Variants in BABAM2 observed in about 807,000 individuals in gnomAD.
BABAM2 encodes the protein BRISC and BRCA1-A complex member 2.
Under a neutral mutation model 54.7 loss-of-function variants are expected in BABAM2, and 31 were observed. The observed-to-expected ratio is 0.57, with a 90% CI of 0.43 to 0.77. The LOEUF (loss-of-function observed/expected upper bound fraction) is 0.77, where lower values mean the gene tolerates loss of function less well. Among genes scored for constraint, BABAM2 ranks in the 30% least tolerant of loss-of-function variants. BABAM2 has a pLI of 0.00. For missense variants in BABAM2, 364 were observed against 455.8 expected (o/e 0.80, Z 1.83); for synonymous variants, 167 against 162.9 (o/e 1.03, Z -0.19).
chr2:27,929,685 A>G (rs1667956122), intron 2 of BABAM2, 147 bp from the exon 3 acceptor site: 4 of 654,082 alleles, frequency 6.1e-6, no homozygotes, highest in South Asian at 4.2e-5. Context: ...TTCCATGACT[A>G]TTAAAGGCTT....
chr2:27,907,851 G>A (rs1666296018), intron 2 of BABAM2, among the ~76,000 whole-genome samples: 1 of 152,146 alleles, frequency 6.6e-6, no homozygotes, highest in Non-Finnish European at 1.5e-5. Flanking sequence ...TGTAGTGTCA[G>A]AATTTACTTT....
chr2:28,301,714 C>G (rs1688118966), intron 11 of BABAM2, among the ~76,000 whole-genome samples: 1 of 152,174 alleles, frequency 6.6e-6, no homozygotes, highest in African/African-American at 2.4e-5. Context: ...TTGCCAGCAG[C>G]TCTCTCCCCT....
At chr2:28,097,625 T>C (rs1433339227) in intron 6 of BABAM2, among the ~76,000 whole-genome samples, 3 of 152,204 alleles carry the variant, frequency 2.0e-5, no homozygotes, top group Non-Finnish European at 2.9e-5. Flanking sequence ...TATTTTGTAT[T>C]ATATTTGCTA....
At chr2:27,935,778 A>G (rs1465902419) in intron 3 of BABAM2, among the ~76,000 whole-genome samples, 2 of 152,232 alleles carry the variant, frequency 1.3e-5, no homozygotes, top group African/African-American at 4.8e-5. Flanking sequence ...CCCTTCAGCA[A>G]CTACCACTGT....
intron 8 of BABAM2, 31 bp from the exon 9 acceptor site, chr2:28,241,290 ACT>A: frequency 1.3e-6 from 2 of 1,591,954 alleles, no homozygotes; most frequent in South Asian, 2.2e-5. Context: ...AAAGATTCCC[ACT>A]CTACTTCTCA....
In BABAM2 at chr2:28,298,326, C is replaced by T. The variant is rs777583047; in HGVS notation, c.935-12C>T. ...TGCTCTAACTTTCTTTTTCTTTCTT[C>T]TGTCTTTGCAGTTGACCTGCCTCTG... On this transcript the variant is annotated splice_polypyrimidine_tract_variant and intron_variant, in intron 10 of 11. Coordinates refer to ENST00000379624, the MANE Select transcript of BABAM2 (RefSeq NM_199191.3). 3.1e-6 allele frequency: 5 copies of T among 1,606,312 alleles called. No individual in the cohort carries two copies. The African/African-American group carries it at 4.0e-5, about 13-fold the overall frequency.
At chr2:28,210,073 G>T (rs1679302927) in intron 7 of BABAM2, among the ~76,000 whole-genome samples, 1 of 152,066 alleles carries the variant, frequency 6.6e-6, no homozygotes, top group African/African-American at 2.4e-5. Context: ...GAATGTAGAA[G>T]TCCTTAGGCT....
chr2:28,302,375 C>T (rs924569748), intron 11 of BABAM2, among the ~76,000 whole-genome samples: 8 of 150,712 alleles, frequency 5.3e-5, no homozygotes, highest in African/African-American at 1.7e-4. Flanking sequence ...CAAGATCACA[C>T]CACTGCACTC....
At chr2:28,201,858 A>T (rs1678309180) in intron 7 of BABAM2, among the ~76,000 whole-genome samples, 1 of 152,152 alleles carries the variant, frequency 6.6e-6, no homozygotes, top group Non-Finnish European at 1.5e-5. Flanking sequence ...ACACAGGAGG[A>T]TTAATAGAGG....
chr2:28,063,633 T>C (rs1332167935), intron 6 of BABAM2, among the ~76,000 whole-genome samples: 1 of 152,234 alleles, frequency 6.6e-6, no homozygotes, highest in East Asian at 1.9e-4. Flanking sequence ...TGATGAGTGA[T>C]AAAGATTTAG....
chr2:28,223,573 G>A (rs1013099044), intron 7 of BABAM2, among the ~76,000 whole-genome samples: 5 of 152,182 alleles, frequency 3.3e-5, no homozygotes, highest in African/African-American at 1.2e-4. Context: ...GGGCAGCTGT[G>A]GTGGGAGTGA....
At chr2:28,113,007 A>G (rs373986343) in intron 6 of BABAM2, among the ~76,000 whole-genome samples, 3 of 152,122 alleles carry the variant, frequency 2.0e-5, no homozygotes, top group South Asian at 2.1e-4. Flanking sequence ...CTTCTTTTGA[A>G]AAGTGTCTGT....
At chr2:28,139,212 G>T (rs771091360) in intron 7 of BABAM2, among the ~76,000 whole-genome samples, 2 of 151,162 alleles carry the variant, frequency 1.3e-5, no homozygotes, top group Non-Finnish European at 2.9e-5. Context: ...GGGATCACTA[G>T]CTGGGAGGCT....
intron 2 of BABAM2, among the ~76,000 whole-genome samples, chr2:27,926,626 G>A (rs1366715949): frequency 6.6e-6 from 1 of 152,058 alleles, no homozygotes; most frequent in Non-Finnish European, 1.5e-5. Flanking sequence ...TTTGTCTCTT[G>A]TTTATCGTTT....
chr2:28,272,316 G>A (rs962754986), intron 10 of BABAM2, among the ~76,000 whole-genome samples: 3 of 152,196 alleles, frequency 2.0e-5, no homozygotes, highest in Non-Finnish European at 4.4e-5. Context: ...AAATGTGGTT[G>A]CTGGGTGTAA....
At chr2:28,297,446 T>C (rs1206560626) in intron 10 of BABAM2, among the ~76,000 whole-genome samples, 1 of 152,246 alleles carries the variant, frequency 6.6e-6, no homozygotes, top group Non-Finnish European at 1.5e-5. Flanking sequence ...ATACGTTATA[T>C]ACCTTTAAGA....
chr2:28,098,676 C>T (rs373861776), intron 6 of BABAM2, among the ~76,000 whole-genome samples: 4 of 152,084 alleles, frequency 2.6e-5, no homozygotes, highest in Admixed American at 1.3e-4. Flanking sequence ...AAGGTGTAAA[C>T]GTGATATTCT....
At chr2:28,241,533 C>A (rs189773595) in intron 9 of BABAM2, 140 bp downstream of exon 9, 1 of 757,482 alleles carries the variant, frequency 1.3e-6, no homozygotes, top group Non-Finnish European at 2.2e-6. Context: ...CTCGCTCTGT[C>A]ACCCAGGCTG....
At chr2:27,902,905 T>G (rs200545812) in intron 2 of BABAM2, among the ~76,000 whole-genome samples, 2 of 147,876 alleles carry the variant, frequency 1.4e-5, no homozygotes, top group Non-Finnish European at 3.0e-5. Context: ...GTGTGTGTGT[T>G]TGTGTGTGTG....
Sources: allele counts gnomAD v4.1 joint callset (sites outside exome capture counted in the v4.1 genomes callset), GRCh38; gene constraint gnomAD v4.1.1; transcripts MANE v1.5; gene names NCBI Gene and HGNC (gene_info 2026-07-23, HGNC 2026-07-21).